Variants in ANKS3 observed in about 807,000 individuals in gnomAD.
The protein encoded by ANKS3 is ankyrin repeat and SAM domain-containing protein 3.
ANKS3 carries 62 observed loss-of-function variants against 80.7 expected under a neutral mutation model. That is an observed-to-expected ratio of 0.77 (90% CI 0.63 to 0.95). The LOEUF (loss-of-function observed/expected upper bound fraction) is 0.95. Among genes scored for constraint, ANKS3 ranks in the 40% least tolerant of loss-of-function variants. The probability of loss-of-function intolerance (pLI) is 0.00; values close to 1 mark genes in which losing one functional copy is unlikely to be tolerated. For missense variants in ANKS3, 1,150 were observed against 883.6 expected (o/e 1.30, Z -3.82); for synonymous variants, 489 against 355.3 (o/e 1.38, Z -4.23).
intron 17 of ANKS3, 44 bp from the exon 18 acceptor site, chr16:4,696,940 T>C (rs1258775009): frequency 7.4e-7 from 1 of 1,343,272 alleles, no homozygotes; most frequent in Non-Finnish European, 1.1e-6. Context: ...GACAGGTGGG[T>C]GCATACCCAC....
intron 7 of ANKS3, among the ~76,000 whole-genome samples, chr16:4,713,326 C>T (rs1226061916): frequency 1.3e-5 from 2 of 152,050 alleles, no homozygotes; most frequent in African/African-American, 4.8e-5. Context: ...TGACAATATG[C>T]AGTGAAACGA....
At chr16:4,698,342 A>C in intron 14 of ANKS3, 85 bp downstream of exon 14, 3 of 1,422,570 alleles carry the variant, frequency 2.1e-6, no homozygotes, top group Non-Finnish European at 2.8e-6. Context: ...CAGTTACAAA[A>C]TCAGGAGGAA....
rs1269119972 is a variant in ANKS3, at chr16:4,730,072, T to G, written c.78A>C (p.Thr26=). 5.0e-6 allele frequency: 8 copies of G among 1,595,490 alleles called. No individual in the cohort carries two copies. In the Admixed American group the frequency reaches 1.4e-4, roughly 27 times the overall value. Residue 26 remains threonine (T), a synonymous_variant, in exon 3 of 18, where the codon ACA becomes ACC. Coordinates refer to ENST00000304283, the MANE Select transcript of ANKS3 (RefSeq NM_133450.4). ...RSLSMWHGLG[T]QVSGEELDVP... ...CATCCAGCTCCTCCCCGCTGACCTGTGTCCCGAGCCCGTGCCACATGGACA... is the reference window on the plus strand; with the variant it reads ...CATCCAGCTCCTCCCCGCTGACCTGGGTCCCGAGCCCGTGCCACATGGACA...
chr16:4,712,385 C>T (rs925873953), intron 7 of ANKS3, among the ~76,000 whole-genome samples: 10 of 148,746 alleles, frequency 6.7e-5, no homozygotes, highest in African/African-American at 2.5e-4. Flanking sequence ...ATTTCAAAAA[C>T]AAAAAAAAAG....
chr16:4,720,382 A>C (rs902710117), intron 6 of ANKS3, among the ~76,000 whole-genome samples: 2 of 150,514 alleles, frequency 1.3e-5, no homozygotes, highest in Admixed American at 6.7e-5. Flanking sequence ...AAATCGCTTG[A>C]ACCTGGGAGG....
chr16:4,720,497 G>A (rs1025541935), intron 6 of ANKS3, among the ~76,000 whole-genome samples: 2 of 150,522 alleles, frequency 1.3e-5, no homozygotes, highest in African/African-American at 2.4e-5. Context: ...CTAAGGGGAG[G>A]GGTGTGAACC....
At chr16:4,704,867 A>T (rs1419987122) in intron 8 of ANKS3, among the ~76,000 whole-genome samples, 1 of 152,226 alleles carries the variant, frequency 6.6e-6, no homozygotes, top group African/African-American at 2.4e-5. Context: ...AACGAAAAGG[A>T]AACTCCAGGA....
In ANKS3 at chr16:4,726,769, C is replaced by T. The variant is rs542133705; in HGVS notation, c.381G>A (p.Glu127=). The T allele has an allele frequency of 5.0e-6, 8 of 1,613,660 alleles. No homozygotes were observed. In the South Asian group the frequency reaches 5.5e-5, roughly 11 times the overall value. The change falls in exon 5 of 18, where the codon GAG becomes GAA. Residue 127 remains glutamate (E), a synonymous_variant. Coordinates refer to ENST00000304283, the MANE Select transcript of ANKS3 (RefSeq NM_133450.4). ...AGCCCTGGATGTCTTTCATTTCTAG[C>T]TCTGCACCTTGCTTCAAGAGAACAC... ...IAYFLLQQGA[E]LEMKDIQGWT... is the part of the protein sequence containing the mutation.
intron 8 of ANKS3, among the ~76,000 whole-genome samples, chr16:4,703,043 T>C (rs987400380): frequency 3.3e-5 from 5 of 152,224 alleles, no homozygotes; most frequent in Admixed American, 6.5e-5. Context: ...CATGGGGAAC[T>C]TACTTTCCTC....
chr16:4,719,293 C>G (rs1316810112), intron 6 of ANKS3, among the ~76,000 whole-genome samples: 2 of 152,216 alleles, frequency 1.3e-5, no homozygotes, highest in African/African-American at 2.4e-5. Context: ...GATCGCGCCA[C>G]TGTGCTCCAG....
intron 8 of ANKS3, among the ~76,000 whole-genome samples, chr16:4,703,507 G>A (rs561734882): frequency 6.8e-6 from 1 of 146,766 alleles, no homozygotes; most frequent in Non-Finnish European, 1.5e-5. Flanking sequence ...TGCAACCTCC[G>A]CCTCCCGGGT....
chr16:4,732,932 A>C (rs1189321462), intron 1 of ANKS3, among the ~76,000 whole-genome samples: 4 of 152,160 alleles, frequency 2.6e-5, no homozygotes, highest in African/African-American at 2.4e-5. Flanking sequence ...ACATGGATGG[A>C]AGCGGAGATC....
At chr16:4,702,478 C>T (rs934035186) in intron 8 of ANKS3, among the ~76,000 whole-genome samples, 4 of 152,194 alleles carry the variant, frequency 2.6e-5, no homozygotes, top group Non-Finnish European at 5.9e-5. Flanking sequence ...AGCCTGGGCC[C>T]TCTCCATTTC....
At chr16:4,718,659 G>C (rs113629338) in intron 6 of ANKS3, among the ~76,000 whole-genome samples, 5,066 of 152,332 alleles carry the variant, frequency 0.033, 115 homozygotes, top group Non-Finnish European at 0.053. Flanking sequence ...AAACGTGGGA[G>C]AGAGGAGCTT....
Position 4,726,996 on chromosome 16 carries a change from C to A in ANKS3, c.352G>T (p.Ala118Ser). The change falls in exon 4 of 18, where the codon GCC (alanine) becomes TCC (serine). Residue 118 changes from alanine to serine, a missense_variant. Physicochemically the swap from Ala to Ser is moderately conservative, Grantham distance 99. Coordinates refer to ENST00000304283, the MANE Select transcript of ANKS3 (RefSeq NM_133450.4). The stretch of plus-strand genomic sequence containing the variant: ...TAGCTCACCTGGAGAAGAAAGTAGG[C>A]GATGCTCTCGTTGCCACAGCTGGAG... ...LASSCGNESI[A>S]YFLLQQGAEL... is the part of the protein sequence containing the mutation. The A allele has an allele frequency of 6.2e-7, 1 of 1,614,094 alleles. No homozygotes were observed. The highest frequency in any genetic ancestry group is 8.5e-7 in the Non-Finnish European group (1 of 1,180,034).
At chr16:4,731,700 A>G in intron 1 of ANKS3, 121 bp from the exon 2 acceptor site, 1 of 408,938 alleles carries the variant, frequency 2.4e-6, no homozygotes, top group Non-Finnish European at 3.3e-6. Context: ...ACAAACCAGG[A>G]TGTGACTGGT....
rs780507211 is a variant in ANKS3 at position 4,698,951 on chromosome 16, G to A, written c.1410-10C>T. ...CTTGGGCCCAAACAGCCTGCGGGGG[G>A]AATGTGACCAGGATATGCCTCAGCG... is the stretch of plus-strand genomic sequence containing the variant. On this transcript the variant is annotated splice_polypyrimidine_tract_variant and intron_variant, in intron 12 of 17. Coordinates refer to ENST00000304283, the MANE Select transcript of ANKS3 (RefSeq NM_133450.4). 1.7e-5 allele frequency: 28 copies of A among 1,605,916 alleles called. No individual in the cohort carries two copies. In the East Asian group the frequency reaches 2.5e-4, roughly 14 times the overall value.
At chr16:4,724,915 C>A in intron 5 of ANKS3, 84 bp from the exon 6 acceptor site, 1 of 1,239,436 alleles carries the variant, frequency 8.1e-7, no homozygotes, top group Non-Finnish European at 1.2e-6. Flanking sequence ...AAACCCTGAG[C>A]AGTGCACGAG....
chr16:4,733,283 TTTTA>T (rs1296374030), intron 1 of ANKS3, among the ~76,000 whole-genome samples: 11 of 150,564 alleles, frequency 7.3e-5, no homozygotes, highest in East Asian at 5.9e-4. Flanking sequence ...TAATTGCACA[TTTTA>T]TTTATTTATT....
Sources: gnomAD v4.1 joint callset for allele counts (sites outside exome capture counted in the v4.1 genomes callset) on GRCh38, gnomAD v4.1.1 for gene constraint, MANE v1.5 for transcripts, NCBI Gene and HGNC (gene_info 2026-07-23, HGNC 2026-07-21) for gene names.